The following ITCH variants were observed in gnomAD, a reference collection of about 807,000 sequenced individuals.
ITCH encodes the protein itchy E3 ubiquitin protein ligase, also known as E3 ubiquitin-protein ligase Itchy homolog.
ITCH carries 28 observed loss-of-function variants against 126.8 expected under a neutral mutation model. That is an observed-to-expected ratio of 0.22 (90% CI 0.16 to 0.30). The LOEUF (loss-of-function observed/expected upper bound fraction) is 0.30, where lower values mean the gene tolerates loss of function less well. Among genes scored for constraint, ITCH ranks in the 10% least tolerant of loss-of-function variants. ITCH has a pLI of 1.00. For synonymous variants in ITCH, 342 were observed against 340.0 expected (o/e 1.01, Z -0.06); for missense variants, 631 against 1,032.4 (o/e 0.61, Z 5.33).
chr20:34,438,563 A>C lies in ITCH; in HGVS notation c.611A>C (p.Asn204Thr). ...VSGNNSPSLSNGGFKPSRPPR... is the reference protein window; with the variant it reads ...VSGNNSPSLSTGGFKPSRPPR... ...GGGAATAATTCTCCATCACTCTCAA[A>C]TGGTGGTTTTAAACCTTCTAGACCT... is the stretch of plus-strand genomic sequence containing the variant. Residue 204 changes from asparagine (N) to threonine (T), a missense_variant, in exon 8 of 25, where the codon AAT (asparagine) becomes ACT (threonine). Physicochemically the swap from Asn to Thr is moderately conservative, Grantham distance 65 (BLOSUM62 0). Transcript: ENST00000374864. 1 of 1,614,060 alleles carries C rather than the reference A, an allele frequency of 6.2e-7. No individual in the cohort carries two copies. Among genetic ancestry groups the C allele is most frequent in the Non-Finnish European group, 8.5e-7 (1 of 1,180,008 alleles).
At chr20:34,477,409 A>G (rs532843179) in intron 16 of ITCH, among the ~76,000 whole-genome samples, 137 of 152,334 alleles carry the variant, frequency 9.0e-4, no homozygotes, top group Middle Eastern at 6.8e-3. Flanking sequence ...GCACACCTGT[A>G]GTTCCAGCTA....
chr20:34,479,711 C>CT lies in ITCH; in HGVS notation c.1742dup (p.Leu581PhefsTer44). The CT allele has an allele frequency of 6.2e-7, 1 of 1,613,866 alleles. No homozygotes were observed. The highest frequency in any genetic ancestry group is 8.5e-7 in the Non-Finnish European group (1 of 1,179,784). ...AATATGCAGGGAAGGATAACTACTG[C>CT]TTGCAGATAAACCCCGCTTCTTACA... On this transcript the variant is annotated frameshift_variant, in exon 18 of 25. Transcript: ENST00000374864. LOFTEE classifies it high-confidence loss of function.
chr20:34,365,146 G>A (rs1241073241), intron 1 of ITCH, among the ~76,000 whole-genome samples: 1 of 151,964 alleles, frequency 6.6e-6, no homozygotes, highest in Non-Finnish European at 1.5e-5. Flanking sequence ...GCTGCGGTGA[G>A]CTGTTACCGT....
intron 24 of ITCH, among the ~76,000 whole-genome samples, chr20:34,507,446 C>T (rs550277157): frequency 6.6e-6 from 1 of 150,810 alleles, no homozygotes; most frequent in East Asian, 2.0e-4. Flanking sequence ...AAATCTCTAT[C>T]CTTTGTTCAT....
At chr20:34,379,052 A>T (rs556313765) in intron 2 of ITCH, among the ~76,000 whole-genome samples, 6 of 152,296 alleles carry the variant, frequency 3.9e-5, no homozygotes, top group Admixed American at 3.9e-4. Flanking sequence ...TTCTGTATAT[A>T]TTGAAATGTG....
intron 3 of ITCH, among the ~76,000 whole-genome samples, chr20:34,396,450 G>A (rs1212713383): frequency 3.3e-5 from 5 of 151,944 alleles, no homozygotes; most frequent in East Asian, 3.9e-4. Context: ...ATTCTAGTGG[G>A]TGTGAAGTAG....
chr20:34,460,138 C>G (rs974559688), intron 13 of ITCH, among the ~76,000 whole-genome samples: 2 of 152,056 alleles, frequency 1.3e-5, no homozygotes, highest in African/African-American at 4.8e-5. Context: ...TTTTGGTAGT[C>G]TGTTTTATCT....
At chr20:34,487,009 T>G (rs1989169918) in intron 20 of ITCH, among the ~76,000 whole-genome samples, 2 of 126,158 alleles carry the variant, frequency 1.6e-5, no homozygotes, top group African/African-American at 5.7e-5. Context: ...AAGTATTTGT[T>G]AGGTTTTTTT....
rs890937296 is a variant in ITCH, at chr20:34,409,146, C to A, written c.212+354C>A. On this transcript the variant is annotated intron_variant, in intron 4 of 24. Coordinates refer to ENST00000374864, the MANE Select transcript of ITCH (RefSeq NM_031483.7). ...TTAAGGGATTATGAGTACTCCCCCCCCCCCCGGTTTTTAACTTAATTTTTA... is the reference window on the plus strand; with the variant it reads ...TTAAGGGATTATGAGTACTCCCCCCACCCCCGGTTTTTAACTTAATTTTTA... 9.0e-4 allele frequency among the ~76,000 whole-genome samples: 124 copies of A among 138,124 alleles called. 2 individuals carry two copies. The highest frequency in any genetic ancestry group is 2.1e-3 in the Admixed American group (29 of 13,992). 90.6% of individuals were successfully genotyped at this position (138,124 alleles called of 152,430 possible).
chr20:34,462,652 A>G (rs998147399), intron 14 of ITCH, among the ~76,000 whole-genome samples: 1 of 152,138 alleles, frequency 6.6e-6, no homozygotes, highest in African/African-American at 2.4e-5. Flanking sequence ...TTCTTGTTTT[A>G]TGTGTACAGT....
intron 19 of ITCH, 40 bp downstream of exon 19, chr20:34,480,772 A>G (rs1280547501): frequency 2.7e-6 from 4 of 1,461,636 alleles, no homozygotes; most frequent in East Asian, 2.3e-5. Context: ...AAATATAGTT[A>G]TATGCATTCC....
At chr20:34,465,531 CA>C (rs1395363257) in intron 14 of ITCH, among the ~76,000 whole-genome samples, 3 of 152,072 alleles carry the variant, frequency 2.0e-5, no homozygotes, top group Non-Finnish European at 4.4e-5. Flanking sequence ...GTCATCTTAA[CA>C]ATATTAAGTC....
At chr20:34,506,257 TCTTA>T (rs1990615485) in intron 24 of ITCH, among the ~76,000 whole-genome samples, 1 of 152,114 alleles carries the variant, frequency 6.6e-6, no homozygotes, top group African/African-American at 2.4e-5. Context: ...AGAGACAGAG[TCTTA>T]CTTTGTTGCT....
intron 2 of ITCH, among the ~76,000 whole-genome samples, chr20:34,387,555 C>T (rs1460966019): frequency 3.3e-5 from 5 of 149,402 alleles, no homozygotes; most frequent in Non-Finnish European, 7.4e-5. Context: ...TGTTTCAGCC[C>T]AGGTGGTTGA....
chr20:34,461,688 G>A (rs566331646), intron 13 of ITCH, among the ~76,000 whole-genome samples: 9 of 148,644 alleles, frequency 6.1e-5, no homozygotes, highest in Admixed American at 5.4e-4. Flanking sequence ...TCCAGCCTGG[G>A]CGACAGTGAG....
intron 18 of ITCH, 89 bp downstream of exon 18, chr20:34,479,878 A>C: frequency 8.5e-7 from 1 of 1,182,050 alleles, no homozygotes; most frequent in African/African-American, 1.5e-5. Context: ...TATGAGAGAA[A>C]GGGAAGTGGT....
At chr20:34,503,373 C>T (rs974457079) in intron 23 of ITCH, among the ~76,000 whole-genome samples, 10 of 152,030 alleles carry the variant, frequency 6.6e-5, no homozygotes, top group African/African-American at 2.4e-4. Flanking sequence ...AAGTAATGAT[C>T]TTTTAAAAAA....
At chr20:34,394,105 C>G (rs143758659) in intron 3 of ITCH, among the ~76,000 whole-genome samples, 2 of 148,898 alleles carry the variant, frequency 1.3e-5, no homozygotes, top group Non-Finnish European at 3.0e-5. Flanking sequence ...CCAGCTACTC[C>G]GGAGGCTGAG....
chr20:34,385,801 G>A (rs1246480526), intron 2 of ITCH, among the ~76,000 whole-genome samples: 1 of 152,164 alleles, frequency 6.6e-6, no homozygotes, highest in Non-Finnish European at 1.5e-5. Context: ...AAGTGGGAAA[G>A]GAGCTTTTAG....
Sources: allele counts gnomAD v4.1 joint callset (sites outside exome capture counted in the v4.1 genomes callset), GRCh38; gene constraint gnomAD v4.1.1; transcripts MANE v1.5; gene names NCBI Gene and HGNC (gene_info 2026-07-23, HGNC 2026-07-21).